Variants in ZNF804B observed in about 807,000 individuals in gnomAD.
The protein encoded by ZNF804B is zinc finger 804B.
A neutral mutation model predicts 101.4 loss-of-function variants in ZNF804B; 80 were observed. The observed-to-expected ratio is 0.79, with a 90% confidence interval of 0.66 to 0.95. ZNF804B has a LOEUF of 0.95. Ranked by LOEUF, ZNF804B falls within the 40% of genes least tolerant of loss-of-function variation. The pLI, the probability that ZNF804B is intolerant of heterozygous loss-of-function variation, is 0.00. For synonymous variants in ZNF804B, 622 were observed against 558.8 expected (o/e 1.11, Z -1.59); for missense variants, 1,673 against 1,561.9 (o/e 1.07, Z -1.20).
chr7:88,823,608 G>A (rs765925151), intron 1 of ZNF804B, among the ~76,000 whole-genome samples: 1 of 152,046 alleles, frequency 6.6e-6, no homozygotes, highest in Admixed American at 6.6e-5. Flanking sequence ...GATTTCAGTG[G>A]GGAATGGCAG....
intron 1 of ZNF804B, among the ~76,000 whole-genome samples, chr7:89,162,120 C>CT (rs1314462265): frequency 1.4e-5 from 2 of 145,540 alleles, no homozygotes; most frequent in Admixed American, 1.4e-4. Context: ...GACAACATCC[C>CT]TTTTCAGGGG....
intron 1 of ZNF804B, among the ~76,000 whole-genome samples, chr7:88,885,494 C>T (rs1792112230): frequency 6.6e-6 from 1 of 151,468 alleles, no homozygotes; most frequent in Admixed American, 6.6e-5. Flanking sequence ...AACTGTATAT[C>T]ATTTTCTATT....
intron 1 of ZNF804B, among the ~76,000 whole-genome samples, chr7:89,116,624 A>C (rs550784223): frequency 1.2e-4 from 18 of 152,330 alleles, no homozygotes; most frequent in Non-Finnish European, 2.2e-4. Flanking sequence ...TTCTCAACAA[A>C]TAGTCTGGTT....
chr7:88,813,738 T>C (rs1240259301), intron 1 of ZNF804B, among the ~76,000 whole-genome samples: 1 of 152,194 alleles, frequency 6.6e-6, no homozygotes, highest in Non-Finnish European at 1.5e-5. Flanking sequence ...CTTTTTGAAA[T>C]GTAATTTGGA....
intron 1 of ZNF804B, among the ~76,000 whole-genome samples, chr7:88,821,867 A>T (rs1394504437): frequency 6.6e-6 from 1 of 152,156 alleles, no homozygotes; most frequent in African/African-American, 2.4e-5. Context: ...AATTTATGCT[A>T]TTTGCGCTCT....
chr7:89,219,181 TACTTA>T (rs1788943126), intron 2 of ZNF804B, among the ~76,000 whole-genome samples: 1 of 152,098 alleles, frequency 6.6e-6, no homozygotes, highest in African/African-American at 2.4e-5. Context: ...TATTCAAAGT[TACTTA>T]ACTAGTTAGT....
chr7:88,837,872 C>T (rs1056770258), intron 1 of ZNF804B, among the ~76,000 whole-genome samples: 2 of 151,676 alleles, frequency 1.3e-5, no homozygotes, highest in Non-Finnish European at 2.9e-5. Flanking sequence ...TAAAATACCA[C>T]CACTAATCTC....
intron 1 of ZNF804B, among the ~76,000 whole-genome samples, chr7:89,130,823 G>C (rs1282620012): frequency 1.3e-5 from 2 of 151,994 alleles, no homozygotes; most frequent in African/African-American, 4.8e-5. Context: ...TACCAAGGTA[G>C]AGAAGATCAT....
At chr7:88,851,088 C>G (rs1407566077) in intron 1 of ZNF804B, among the ~76,000 whole-genome samples, 1 of 151,922 alleles carries the variant, frequency 6.6e-6, no homozygotes, top group Non-Finnish European at 1.5e-5. Flanking sequence ...TAGAAAATAT[C>G]TAATGTGAAA....
intron 2 of ZNF804B, among the ~76,000 whole-genome samples, chr7:89,306,829 T>C (rs1790568721): frequency 6.6e-6 from 1 of 151,990 alleles, no homozygotes; most frequent in South Asian, 2.1e-4. Flanking sequence ...GATTTAGGAA[T>C]TATACAGACA....
chr7:89,243,200 A>G (rs956108072), intron 2 of ZNF804B, among the ~76,000 whole-genome samples: 1 of 151,848 alleles, frequency 6.6e-6, no homozygotes, highest in African/African-American at 2.4e-5. Context: ...GGCCTTTATG[A>G]GTAAACATAA....
intron 1 of ZNF804B, among the ~76,000 whole-genome samples, chr7:88,825,625 A>G (rs925549892): frequency 6.6e-6 from 1 of 152,170 alleles, no homozygotes; most frequent in Admixed American, 6.6e-5. Flanking sequence ...TCCCTGGCTA[A>G]TACAAAGGCC....
At chr7:89,310,749 C>G (rs1023888189) in intron 2 of ZNF804B, among the ~76,000 whole-genome samples, 87 of 152,282 alleles carry the variant, frequency 5.7e-4, no homozygotes, top group African/African-American at 1.9e-3. Context: ...TATTGAAATA[C>G]AAGACATTGC....
At chr7:89,006,903 CAGA>C (rs1466515407) in intron 1 of ZNF804B, among the ~76,000 whole-genome samples, 1 of 152,124 alleles carries the variant, frequency 6.6e-6, no homozygotes, top group African/African-American at 2.4e-5. Flanking sequence ...TGTGGACTGA[CAGA>C]AGGTGTTCCT....
At chr7:89,111,451 T>C (rs1790216911) in intron 1 of ZNF804B, among the ~76,000 whole-genome samples, 1 of 151,958 alleles carries the variant, frequency 6.6e-6, no homozygotes, top group African/African-American at 2.4e-5. Context: ...TGCCTTGTTG[T>C]TTTAATTTGT....
chr7:88,844,737 GC>G (rs1266038883), intron 1 of ZNF804B, among the ~76,000 whole-genome samples: 15 of 152,122 alleles, frequency 9.9e-5, no homozygotes, highest in African/African-American at 3.4e-4. Flanking sequence ...TGTGAAAAAT[GC>G]AATTGGAGGC....
At chr7:89,074,503 A>C (rs10251382) in intron 1 of ZNF804B, among the ~76,000 whole-genome samples, 2,382 of 152,218 alleles carry the variant, frequency 0.016, 51 homozygotes, top group African/African-American at 0.054. Flanking sequence ...GCCTGCCCTC[A>C]TCCATGTAAT....
In ZNF804B at chr7:89,232,678, T is replaced by A. The variant is rs145697709; in HGVS notation, c.249+14383T>A. ...CTTGTTGGCATAAAATTATATGCAA[T>A]ATTTTATCATAATACTTTTAATATA... On this transcript the variant is annotated intron_variant, in intron 2 of 3. Coordinates refer to ENST00000333190, the MANE Select transcript of ZNF804B (RefSeq NM_181646.5). Among the ~76,000 whole-genome samples, 8 of 152,270 alleles carry A rather than the reference T, an allele frequency of 5.3e-5. No homozygotes were observed. The East Asian group carries it at 1.5e-3, about 29-fold the overall frequency.
At chr7:89,272,388 G>GT (rs1383035889) in intron 2 of ZNF804B, among the ~76,000 whole-genome samples, 3 of 152,010 alleles carry the variant, frequency 2.0e-5, no homozygotes, top group African/African-American at 7.2e-5. Context: ...ATTCAAGAAG[G>GT]TTTTGTTAAA....
Sources: allele counts gnomAD v4.1 joint callset (sites outside exome capture counted in the v4.1 genomes callset), GRCh38; gene constraint gnomAD v4.1.1; transcripts MANE v1.5; gene names NCBI Gene and HGNC (gene_info 2026-07-23, HGNC 2026-07-21).